Variants in CNBD1 observed in about 807,000 individuals in gnomAD.
CNBD1 encodes the protein cyclic nucleotide binding domain containing 1.
CNBD1 carries 71 observed loss-of-function variants against 54.4 expected under a neutral mutation model. That is an observed-to-expected ratio of 1.30 (90% CI 1.08 to 1.59). CNBD1 has a LOEUF of 1.59. CNBD1 is among the 40% of genes most tolerant of loss of function. The pLI is 0.00. For synonymous variants in CNBD1, 182 were observed against 170.7 expected, an observed-to-expected ratio of 1.07 and a Z score of -0.51; for missense variants, 659 against 518.0, an observed-to-expected ratio of 1.27 and a Z score of -2.64.
At chr8:87,184,725 T>C (rs1813437594) in intron 4 of CNBD1, among the ~76,000 whole-genome samples, 1 of 152,008 alleles carries the variant, frequency 6.6e-6, no homozygotes, top group Non-Finnish European at 1.5e-5. Context: ...AGCCTCCGGG[T>C]CTACATCCTC....
chr8:87,421,015 T>C (rs1281247212), intron 2 of CNBD1, among the ~76,000 whole-genome samples: 1 of 151,948 alleles, frequency 6.6e-6, no homozygotes, highest in Non-Finnish European at 1.5e-5. Context: ...AGAATCAAAA[T>C]TCTGGATAAC....
chr8:87,365,598 G>A (rs1055605536), intron 10 of CNBD1, among the ~76,000 whole-genome samples: 1 of 151,844 alleles, frequency 6.6e-6, no homozygotes, highest in Non-Finnish European at 1.5e-5. Flanking sequence ...TGTTTACATT[G>A]CCATGCCATG....
chr8:87,271,804 T>A lies in CNBD1; in HGVS notation c.772-12874T>A, dbSNP rs60131908. Among the ~76,000 whole-genome samples, 1,149 of 149,688 alleles carry A rather than the reference T, an allele frequency of 7.7e-3. 14 individuals carry two copies. Among genetic ancestry groups the A allele is most frequent in the African/African-American group, 0.028 (1,090 of 39,294 alleles). Reference sequence around the variant, plus strand: ...TAGTATATCAAAGGGATATCCACACTCCTATGCTTATTGCAGCACTATTCA... The same window carrying A: ...TAGTATATCAAAGGGATATCCACACACCTATGCTTATTGCAGCACTATTCA... On this transcript the variant is annotated intron_variant, in intron 6 of 10. Transcript: ENST00000518476.
intron 8 of CNBD1, among the ~76,000 whole-genome samples, chr8:87,335,593 T>C (rs1809928416): frequency 6.6e-6 from 1 of 152,222 alleles, no homozygotes; most frequent in African/African-American, 2.4e-5. Context: ...TGAGCCTACG[T>C]GTGTCTTTGC....
chr8:87,282,477 T>C (rs1034777116), intron 6 of CNBD1, among the ~76,000 whole-genome samples: 13 of 151,762 alleles, frequency 8.6e-5, no homozygotes, highest in Non-Finnish European at 1.5e-4. Flanking sequence ...TTACTCTAAA[T>C]TGCTATTTCA....
chr8:87,091,119 GAC>G (rs967464695), intron 4 of CNBD1, among the ~76,000 whole-genome samples: 10 of 134,314 alleles, frequency 7.4e-5, no homozygotes, highest in Admixed American at 2.6e-4. Context: ...CAGCCTGGGT[GAC>G]AGAGTGAGAC....
intron 4 of CNBD1, among the ~76,000 whole-genome samples, chr8:87,173,172 A>T (rs774268838): frequency 6.6e-6 from 1 of 152,192 alleles, no homozygotes; most frequent in African/African-American, 2.4e-5. Context: ...AGTAAAAAAC[A>T]CTACACTTAT....
chr8:87,318,581 G>T (rs1184019283), intron 8 of CNBD1, among the ~76,000 whole-genome samples: 2 of 152,006 alleles, frequency 1.3e-5, no homozygotes, highest in African/African-American at 4.8e-5. Context: ...TTCCTCACAT[G>T]CAAGGATGCT....
At chr8:87,138,886 G>A (rs904026964) in intron 4 of CNBD1, among the ~76,000 whole-genome samples, 65 of 152,294 alleles carry the variant, frequency 4.3e-4, no homozygotes, top group African/African-American at 1.5e-3. Flanking sequence ...AATAAATGAT[G>A]TACTTAAAAG....
chr8:87,198,883 A>C (rs1813779925), intron 4 of CNBD1, among the ~76,000 whole-genome samples: 1 of 152,220 alleles, frequency 6.6e-6, no homozygotes, highest in South Asian at 2.1e-4. Context: ...ACAGTTCTGC[A>C]GGCTTTACAG....
chr8:87,317,574 G>A (rs1269987948), intron 8 of CNBD1, among the ~76,000 whole-genome samples: 2 of 151,332 alleles, frequency 1.3e-5, no homozygotes, highest in Non-Finnish European at 3.0e-5. Flanking sequence ...TTCATTTAGT[G>A]GCTTTGAACT....
intron 2 of CNBD1, among the ~76,000 whole-genome samples, chr8:86,898,783 CA>C (rs34274956): frequency 6.6e-6 from 1 of 151,928 alleles, no homozygotes; most frequent in African/African-American, 2.4e-5. Flanking sequence ...GGTAATACAC[CA>C]AAAGCATGAC....
At chr8:87,376,113 G>A (rs569927960) in intron 10 of CNBD1, among the ~76,000 whole-genome samples, 15 of 151,984 alleles carry the variant, frequency 9.9e-5, no homozygotes, top group Admixed American at 7.2e-4. Flanking sequence ...ACTGTAGACT[G>A]TGACTGTAAA....
chr8:87,403,310 C>T (rs1807599600), intron 2 of CNBD1, among the ~76,000 whole-genome samples: 1 of 151,980 alleles, frequency 6.6e-6, no homozygotes, highest in African/African-American at 2.4e-5. Flanking sequence ...CAGCATCAAG[C>T]ACTATAGGGA....
intron 4 of CNBD1, among the ~76,000 whole-genome samples, chr8:87,105,410 G>A (rs1291150396): frequency 2.0e-5 from 3 of 152,164 alleles, no homozygotes; most frequent in African/African-American, 4.8e-5. Flanking sequence ...TGGGATAATG[G>A]TATGATCTTA....
At chr8:87,410,935 T>G (rs769556008) in intron 2 of CNBD1, among the ~76,000 whole-genome samples, 7 of 150,822 alleles carry the variant, frequency 4.6e-5, no homozygotes, top group Non-Finnish European at 8.8e-5. Context: ...TAGCATTTTT[T>G]TAGCAAGAAA....
intron 3 of CNBD1, among the ~76,000 whole-genome samples, chr8:86,934,949 T>A (rs1239039143): frequency 6.6e-6 from 1 of 152,200 alleles, no homozygotes; most frequent in Non-Finnish European, 1.5e-5. Context: ...TAGGCTGGCC[T>A]CATAAAACTT....
chr8:87,206,779 CT>C (rs1487612920), intron 5 of CNBD1, among the ~76,000 whole-genome samples: 1 of 152,114 alleles, frequency 6.6e-6, no homozygotes, highest in Non-Finnish European at 1.5e-5. Flanking sequence ...AGAAGCATCC[CT>C]TTTTGTTCCT....
intron 2 of CNBD1, among the ~76,000 whole-genome samples, chr8:87,424,913 T>G (rs1289817076): frequency 6.6e-6 from 1 of 152,086 alleles, no homozygotes; most frequent in South Asian, 2.1e-4. Context: ...TCCTGCAGAG[T>G]GTTTTCCAAC....
Sources: gnomAD v4.1 joint callset for allele counts (sites outside exome capture counted in the v4.1 genomes callset) on GRCh38, gnomAD v4.1.1 for gene constraint, MANE v1.5 for transcripts, NCBI Gene and HGNC (gene_info 2026-07-23, HGNC 2026-07-21) for gene names.